Variants in TRDN observed in about 807,000 individuals in gnomAD.
TRDN encodes triadin in skeletal muscle.
A neutral mutation model predicts 149.7 loss-of-function variants in TRDN; 161 were observed. That is an observed-to-expected ratio of 1.08 (90% CI 0.95 to 1.23). The LOEUF (loss-of-function observed/expected upper bound fraction) is 1.23. Among genes scored for constraint, TRDN ranks in the 50% most tolerant of loss-of-function variants. TRDN has a pLI of 0.00. For missense variants in TRDN, 896 were observed against 823.5 expected (o/e 1.09, Z -1.08); for synonymous variants, 294 against 250.5 (o/e 1.17, Z -1.64).
chr6:123,542,887 T>TGTGC (rs1491225157), intron 4 of TRDN, among the ~76,000 whole-genome samples: 35 of 144,126 alleles, frequency 2.4e-4, no homozygotes, highest in Non-Finnish European at 4.3e-4. Flanking sequence ...TGTGTGTGTG[T>TGTGC]CTGTCTGTCT....
At chr6:123,265,269 T>C (rs1008869142) in intron 33 of TRDN, 49 bp downstream of exon 33, 58 of 1,333,232 alleles carry the variant, frequency 4.4e-5, no homozygotes, top group Non-Finnish European at 5.5e-5. Context: ...ATTGTGAAAT[T>C]AAAACAATGA....
chr6:123,551,471 T>C (rs1781389875), intron 2 of TRDN, among the ~76,000 whole-genome samples: 1 of 151,684 alleles, frequency 6.6e-6, no homozygotes, highest in African/African-American at 2.4e-5. Context: ...AAAAATATTA[T>C]TCAACGCAAA....
At chr6:123,626,319 A>T (rs936921502) in intron 1 of TRDN, among the ~76,000 whole-genome samples, 1 of 152,024 alleles carries the variant, frequency 6.6e-6, no homozygotes, top group African/African-American at 2.4e-5. Context: ...CCGTCTCTAC[A>T]AAAACATACA....
chr6:123,631,418 A>C (rs1785999076), intron 1 of TRDN, among the ~76,000 whole-genome samples: 1 of 152,018 alleles, frequency 6.6e-6, no homozygotes, highest in Admixed American at 6.6e-5. Context: ...TAATGTCTCT[A>C]ATTAATGTTA....
chr6:123,364,533 A>T (rs1781017887), intron 20 of TRDN, among the ~76,000 whole-genome samples: 1 of 152,160 alleles, frequency 6.6e-6, no homozygotes, highest in Non-Finnish European at 1.5e-5. Context: ...GCTACTCAGG[A>T]AGCTGAGGCA....
At chr6:123,609,782 G>A (rs1418401558) in intron 1 of TRDN, among the ~76,000 whole-genome samples, 2 of 152,052 alleles carry the variant, frequency 1.3e-5, no homozygotes, top group East Asian at 1.9e-4. Context: ...GATATTGCGT[G>A]CATGAATCAT....
At chr6:123,375,661 C>T in intron 18 of TRDN, 30 bp from the exon 19 acceptor site, 2 of 1,488,542 alleles carry the variant, frequency 1.3e-6, no homozygotes, top group Non-Finnish European at 9.0e-7. Context: ...ATAAGGTCAA[C>T]AGTAATTACA....
rs1369030992 is a variant in TRDN, at chr6:123,503,183, G to C, written c.793+536C>G. 3.0e-6 allele frequency: 3 copies of C among 984,662 alleles called. No individual in the cohort carries two copies. The African/African-American group carries it at 5.2e-5, about 17-fold the overall frequency. 61.0% of individuals were successfully genotyped at this position (984,662 alleles called of 1,614,324 possible). A position where few individuals can be genotyped will look rare whatever the true frequency, so the allele number is the denominator to read the frequency against. ...AAACTGAAAAAGAAACTTGAGAACT[G>C]TCTTCTCTATAACATCTTGCCTATT... On this transcript the variant is annotated intron_variant, in intron 8 of 40. Coordinates refer to ENST00000334268, the MANE Select transcript of TRDN (RefSeq NM_006073.4).
rs1786349733 is a variant in TRDN at position 123,636,840 on chromosome 6, G to T, written c.-65C>A. 6.3e-7 allele frequency: 1 copy of T among 1,599,490 alleles called. No individual in the cohort carries two copies. Among genetic ancestry groups the T allele is most frequent in the African/African-American group, 1.3e-5 (1 of 74,432 alleles). Reference sequence around the variant, plus strand: ...TCAAGTTGCACTTTGCAGAGTATTTGGGGATTTGAGAACTCTGGTGGAGGG... The same window carrying T: ...TCAAGTTGCACTTTGCAGAGTATTTTGGGATTTGAGAACTCTGGTGGAGGG... On this transcript the variant is annotated 5_prime_UTR_variant, in exon 1 of 41. Coordinates refer to ENST00000334268, the MANE Select transcript of TRDN (RefSeq NM_006073.4).
At chr6:123,226,945 A>C (rs1049104795) in intron 38 of TRDN, among the ~76,000 whole-genome samples, 6 of 151,882 alleles carry the variant, frequency 4.0e-5, no homozygotes, top group African/African-American at 1.2e-4. Context: ...AGGAGATGCC[A>C]AAATTAAAGT....
intron 38 of TRDN, among the ~76,000 whole-genome samples, chr6:123,250,267 C>CAG (rs1255372866): frequency 6.6e-6 from 1 of 152,014 alleles, no homozygotes; most frequent in East Asian, 1.9e-4. Context: ...ACAAGAGGTG[C>CAG]AGGCACTAGA....
chr6:123,231,374 C>T (rs1465288461), intron 38 of TRDN, among the ~76,000 whole-genome samples: 2 of 152,006 alleles, frequency 1.3e-5, no homozygotes, highest in Non-Finnish European at 2.9e-5. Flanking sequence ...TATGGACACT[C>T]TTCCACTGGT....
intron 23 of TRDN, among the ~76,000 whole-genome samples, chr6:123,324,424 G>A (rs1349476732): frequency 1.3e-5 from 2 of 152,000 alleles, no homozygotes; most frequent in Admixed American, 6.6e-5. Flanking sequence ...AGGCCAGCCT[G>A]AGCAACAGAG....
rs187745655 is a variant in TRDN, at chr6:123,550,911, C to T, written c.233-2299G>A. ...TGGCCGTTTGAATGGTGAGATTAAA[C>T]CTTAGACAAAGGAAATGAAATGGAA... On this transcript the variant is annotated intron_variant, in intron 2 of 40. Transcript: ENST00000334268. Among the ~76,000 whole-genome samples, 310 of 151,786 alleles carry T rather than the reference C, an allele frequency of 2.0e-3. 2 individuals carry two copies. Among genetic ancestry groups the T allele is most frequent in the Non-Finnish European group, 3.1e-3 (213 of 67,878 alleles).
At chr6:123,556,660 C>A (rs891944966) in intron 2 of TRDN, among the ~76,000 whole-genome samples, 9 of 151,426 alleles carry the variant, frequency 5.9e-5, no homozygotes, top group African/African-American at 2.2e-4. Context: ...TCCTCTTCCT[C>A]TTCTTCTTCT....
chr6:123,457,588 C>T (rs761532282), intron 10 of TRDN: 3 of 440,226 alleles, frequency 6.8e-6, no homozygotes, highest in East Asian at 1.4e-4. Context: ...GATGCTTTGT[C>T]ACCTATTTGT....
chr6:123,224,057 G>A (rs760199533), intron 39 of TRDN, 36 bp downstream of exon 39: 1 of 1,583,084 alleles, frequency 6.3e-7, no homozygotes. Context: ...AGCTTTGAGA[G>A]AAAACTTGTA....
Position 123,369,717 on chromosome 6 carries a change from T to C in TRDN, c.1274-3535A>G, listed in dbSNP as rs75851658. Among the ~76,000 whole-genome samples, 461 of 152,202 alleles carry C rather than the reference T, an allele frequency of 3.0e-3. 12 individuals carry two copies. In the East Asian group the frequency reaches 0.075, roughly 25 times the overall value. On this transcript the variant is annotated intron_variant, in intron 19 of 40. Coordinates refer to ENST00000334268, the MANE Select transcript of TRDN (RefSeq NM_006073.4). ...ACTGTTCCACTACCACACCAGCACATACTCATCCATTTTTCTTTCCAGTTC... is the reference window on the plus strand; with the variant it reads ...ACTGTTCCACTACCACACCAGCACACACTCATCCATTTTTCTTTCCAGTTC...
intron 24 of TRDN, among the ~76,000 whole-genome samples, chr6:123,302,716 A>G (rs951947536): frequency 6.6e-6 from 1 of 152,162 alleles, no homozygotes; most frequent in Non-Finnish European, 1.5e-5. Context: ...CTTTCTGGAG[A>G]TAAGGGCAGT....
Sources: allele counts gnomAD v4.1 joint callset (sites outside exome capture counted in the v4.1 genomes callset), GRCh38; gene constraint gnomAD v4.1.1; transcripts MANE v1.5; gene names NCBI Gene and HGNC (gene_info 2026-07-23, HGNC 2026-07-21).